The following DOCK7 variants were observed in gnomAD, a reference collection of about 807,000 sequenced individuals.
DOCK7 encodes the protein dedicator of cytokinesis 7, also known as dedicator of cytokinesis protein 7.
DOCK7 carries 138 observed loss-of-function variants against 271.0 expected under a neutral mutation model. The ratio of observed to expected loss-of-function variants is 0.51; its 90% confidence interval spans 0.44 to 0.59. The LOEUF (loss-of-function observed/expected upper bound fraction) is 0.59, where lower values mean the gene tolerates loss of function less well. DOCK7 is among the 20% of genes least tolerant of loss of function. The pLI is 0.00. For synonymous variants in DOCK7, 823 were observed against 876.1 expected, an observed-to-expected ratio of 0.94 and a Z score of 1.07; for missense variants, 2,066 against 2,592.4, an observed-to-expected ratio of 0.80 and a Z score of 4.41.
intron 11 of DOCK7, chr1:62,629,461 T>C (rs1385694557): frequency 1.3e-5 from 2 of 152,000 alleles, no homozygotes; most frequent in African/African-American, 4.8e-5. Context: ...TTATGGCAAG[T>C]GAAAGAAGCT....
intron 14 of DOCK7, among the ~76,000 whole-genome samples, chr1:62,590,979 C>T (rs1648353382): frequency 6.6e-6 from 1 of 152,074 alleles, no homozygotes; most frequent in Non-Finnish European, 1.5e-5. Context: ...CCCAGCAATC[C>T]CATTACTGTG....
intron 48 of DOCK7, among the ~76,000 whole-genome samples, chr1:62,461,403 G>A (rs1645522123): frequency 6.6e-6 from 1 of 151,990 alleles, no homozygotes; most frequent in Non-Finnish European, 1.5e-5. Context: ...AACTGCAGCT[G>A]GGCACAGAGG....
intron 31 of DOCK7, among the ~76,000 whole-genome samples, chr1:62,515,297 C>T (rs142744375): frequency 1.6e-4 from 25 of 152,190 alleles, no homozygotes; most frequent in Admixed American, 2.0e-4. Flanking sequence ...GTGAATTCAC[C>T]CACATAAGCT....
intron 7 of DOCK7, chr1:62,641,666 G>A (rs900785306): frequency 1.4e-4 from 59 of 436,374 alleles, no homozygotes; most frequent in Admixed American, 1.9e-4. Context: ...CACAATGGCC[G>A]CTGGGCAACC....
At chr1:62,510,944 T>G in intron 33 of DOCK7, 1 of 345,228 alleles carries the variant, frequency 2.9e-6, no homozygotes, top group Non-Finnish European at 5.3e-6. Flanking sequence ...CTTAAAATCT[T>G]AACCATGGCT....
intron 11 of DOCK7, chr1:62,629,385 C>T (rs1654340500): frequency 6.6e-6 from 1 of 152,260 alleles, no homozygotes; most frequent in African/African-American, 2.4e-5. Context: ...ATACAACAGA[C>T]TATCATTTGG....
At chr1:62,482,054 T>C (rs573456749) in intron 43 of DOCK7, 6 of 152,362 alleles carry the variant, frequency 3.9e-5, no homozygotes, top group South Asian at 4.1e-4. Flanking sequence ...ATATAAAACC[T>C]CTTAGATTTT....
At chr1:62,584,675 T>C in intron 15 of DOCK7, 2 of 1,350,812 alleles carry the variant, frequency 1.5e-6, no homozygotes, top group Non-Finnish European at 1.9e-6. Context: ...ATTAATTATT[T>C]ATCCAAAAAT....
chr1:62,612,423 T>C (rs1193623399), intron 14 of DOCK7, among the ~76,000 whole-genome samples: 8 of 152,062 alleles, frequency 5.3e-5, no homozygotes, highest in Admixed American at 5.2e-4. Flanking sequence ...AAATAGCTAA[T>C]ACACGTGGGG....
At chr1:62,529,519 A>T in intron 29 of DOCK7, 73 bp from the exon 30 acceptor site, 1 of 1,205,180 alleles carries the variant, frequency 8.3e-7, no homozygotes, top group Non-Finnish European at 1.1e-6. Context: ...TTTAAAACAA[A>T]CAGTAAGTCA....
At chr1:62,677,323 C>T (rs557971431) in intron 1 of DOCK7, among the ~76,000 whole-genome samples, 1 of 152,272 alleles carries the variant, frequency 6.6e-6, no homozygotes, top group South Asian at 2.1e-4. Context: ...TGTGACCCAG[C>T]CCACACCAAT....
At chr1:62,634,735 A>T in intron 9 of DOCK7, 38 bp downstream of exon 9, 2 of 1,575,938 alleles carry the variant, frequency 1.3e-6, no homozygotes, top group Non-Finnish European at 1.7e-6. Context: ...GTATACAGAC[A>T]CTACAAAATA....
At chr1:62,674,309 AC>A (rs35650428) in intron 1 of DOCK7, among the ~76,000 whole-genome samples, 11 of 151,060 alleles carry the variant, frequency 7.3e-5, no homozygotes, top group East Asian at 5.8e-4. Flanking sequence ...AAATAAATAG[AC>A]CCCCCCCACC....
Position 62,648,122 on chromosome 1 carries a change from T to C in DOCK7, c.716A>G (p.His239Arg), listed in dbSNP as rs1265260103. The change falls in exon 6 of 50, where the codon CAT (histidine) becomes CGT (arginine). Residue 239 changes from histidine (H) to arginine (R), a missense_variant. Physicochemically the swap from His to Arg is conservative, Grantham distance 29 (BLOSUM62 0). Coordinates refer to ENST00000635253, the MANE Select transcript of DOCK7 (RefSeq NM_001367561.1). The stretch of plus-strand genomic sequence containing the variant: ...CATCTATACCTCATCTGGTGATGGA[T>C]GCAAAGCAAAAAGTTCTTTGTGACG... Reference protein sequence around the residue: ...SNRHKELFALHPSPDEEEPIE... With the variant: ...SNRHKELFALRPSPDEEEPIE... 1.2e-6 allele frequency: 2 copies of C among 1,613,304 alleles called. No homozygotes were observed. The highest frequency in any genetic ancestry group is 1.7e-4 in the Middle Eastern group (1 of 6,056).
intron 14 of DOCK7, among the ~76,000 whole-genome samples, chr1:62,611,705 G>T (rs1651806891): frequency 6.6e-6 from 1 of 151,880 alleles, no homozygotes; most frequent in African/African-American, 2.4e-5. Flanking sequence ...GACTGGCCAA[G>T]CTCTTCCTTG....
At chr1:62,640,888 T>C (rs550837834) in intron 7 of DOCK7, among the ~76,000 whole-genome samples, 1 of 152,346 alleles carries the variant, frequency 6.6e-6, no homozygotes, top group East Asian at 1.9e-4. Flanking sequence ...TAAAATTCTT[T>C]CATGAACAAG....
intron 11 of DOCK7, chr1:62,629,620 CAA>C (rs1654375133): frequency 6.6e-6 from 1 of 152,130 alleles, no homozygotes; most frequent in Non-Finnish European, 1.5e-5. Context: ...CTAATGGGTA[CAA>C]AAGTGTTCCA....
chr1:62,581,595 T>C (rs1376103200), intron 16 of DOCK7, among the ~76,000 whole-genome samples: 1 of 152,140 alleles, frequency 6.6e-6, no homozygotes, highest in Non-Finnish European at 1.5e-5. Flanking sequence ...ACAATCCACA[T>C]AAATATTAAA....
At chr1:62,488,127 T>A (rs1646350690) in intron 42 of DOCK7, 1 of 152,176 alleles carries the variant, frequency 6.6e-6, no homozygotes, top group Non-Finnish European at 1.5e-5. Flanking sequence ...AATACAAAAG[T>A]GGATAGTCAT....
Sources: gnomAD v4.1 joint callset for allele counts (sites outside exome capture counted in the v4.1 genomes callset) on GRCh38, gnomAD v4.1.1 for gene constraint, MANE v1.5 for transcripts, NCBI Gene and HGNC (gene_info 2026-07-23, HGNC 2026-07-21) for gene names.